The following MDM2 variants were observed in gnomAD, a reference collection of about 807,000 sequenced individuals.
MDM2 encodes the protein E3 ubiquitin-protein ligase Mdm2.
MDM2 carries 11 observed loss-of-function variants against 64.3 expected under a neutral mutation model. The ratio of observed to expected loss-of-function variants is 0.17; its 90% CI spans 0.11 to 0.28. The LOEUF (loss-of-function observed/expected upper bound fraction) is 0.28. Ranked by LOEUF, MDM2 falls within the 10% of genes least tolerant of loss-of-function variation. The pLI is 1.00. For missense variants in MDM2, 388 were observed against 577.1 expected (o/e 0.67, Z 3.36); for synonymous variants, 194 against 192.9 (o/e 1.01, Z -0.05).
rs890279594 is a variant in MDM2, at chr12:68,839,983, T to C, written c.*134T>C. 7 of 795,984 alleles carry C rather than the reference T, an allele frequency of 8.8e-6. No individual in the cohort carries two copies. The African/African-American group carries it at 1.2e-4, about 14-fold the overall frequency. The allele number at this position is 795,984 out of a possible 1,614,324, so 49.3% of individuals were successfully genotyped here. On this transcript the variant is annotated 3_prime_UTR_variant, in exon 11 of 11. Transcript: ENST00000258149. Reference sequence around the variant, plus strand: ...ATAGATTTCTTCTCTTTAGTATAATTGACCTACTTTGGTAGTGGAATAGTG... The same window carrying C: ...ATAGATTTCTTCTCTTTAGTATAATCGACCTACTTTGGTAGTGGAATAGTG...
chr12:68,847,573 C>T (rs1884417082), downstream of MDM2: 1 of 149,364 alleles, frequency 6.7e-6, no homozygotes, highest in Admixed American at 6.7e-5. Flanking sequence ...CCTGCCTCAG[C>T]CTCCCGAGTA....
intron 4 of MDM2, among the ~76,000 whole-genome samples, chr12:68,819,484 A>C (rs1021799118): frequency 2.0e-5 from 3 of 151,976 alleles, no homozygotes; most frequent in Non-Finnish European, 4.4e-5. Context: ...TTTATCTGTT[A>C]ATAAGTTTCT....
At chr12:68,810,293 A>C (rs1446393263) in intron 2 of MDM2, among the ~76,000 whole-genome samples, 1 of 150,448 alleles carries the variant, frequency 6.6e-6, no homozygotes, top group East Asian at 2.0e-4. Flanking sequence ...CTGGGCGATA[A>C]GAGCGAAACT....
chr12:68,838,116 A>G (rs1441585442), intron 10 of MDM2, among the ~76,000 whole-genome samples: 1 of 152,216 alleles, frequency 6.6e-6, no homozygotes, highest in South Asian at 2.1e-4. Flanking sequence ...CTTTGGTTTT[A>G]TGAGCTGTGA....
intron 8 of MDM2, among the ~76,000 whole-genome samples, chr12:68,833,334 A>AATATATTTATATAAATAT (rs1565744222): frequency 1.8e-5 from 1 of 54,644 alleles, no homozygotes; most frequent in African/African-American, 6.9e-5. Context: ...TAAATATAAA[A>AATATATTTATATAAATAT]ATATATATTT....
rs1592611751 is a variant in MDM2 at position 68,845,037 on chromosome 12, T to G, written c.*5188T>G. The G allele has an allele frequency of 4.9e-6, 1 of 203,706 alleles. No individual in the cohort carries two copies. 12.6% of individuals were successfully genotyped at this position (203,706 alleles called of 1,614,324 possible). On this transcript the variant is annotated 3_prime_UTR_variant, in exon 11 of 11. Coordinates refer to ENST00000258149, the MANE Select transcript of MDM2 (RefSeq NM_002392.6). ...CCCGCCTTGGCCCCCCAAAGTGCTG[T>G]GATTACAGGCGTGAGCCGCCACGCC...
chr12:68,816,362 C>CTTTTTTTTTTTTTTTTTTTT (rs62874563), intron 3 of MDM2, among the ~76,000 whole-genome samples: 1 of 61,084 alleles, frequency 1.6e-5, no homozygotes, highest in African/African-American at 6.7e-5. Context: ...TTAAAAGTAG[C>CTTTTTTTTTTTTTTTTTTTT]TTTTTTTTTT....
At position 68,808,349 on chromosome 12, in the gene MDM2, C is replaced by CG; in HGVS notation, c.-128dup. The CG allele has an allele frequency of 8.0e-7, 1 of 1,257,652 alleles. No homozygotes were observed. The highest frequency in any genetic ancestry group is 1.1e-6 in the Non-Finnish European group (1 of 872,124). The allele number at this position is 1,257,652 out of a possible 1,614,324, so 77.9% of individuals were successfully genotyped here. ...CCGTCCCTCCCCGGATTAGTGCGTA[C>CG]GAGCGCCCAGTGCCCTGGCCCGGAG... On this transcript the variant is annotated 5_prime_UTR_variant, in exon 1 of 11. Transcript: ENST00000258149.
At position 68,843,456 on chromosome 12, in the gene MDM2, TTTAACATTTAAAATTTCTA is replaced by T. The variant is rs1172288678; in HGVS notation, c.*3608_*3626del. On this transcript the variant is annotated 3_prime_UTR_variant, in exon 11 of 11. Coordinates refer to ENST00000258149, the MANE Select transcript of MDM2 (RefSeq NM_002392.6). ...CATACACCATATTTACAATTATGTA[TTTAACATTTAAAATTTCTA>T]ATATAAGTATCTCTCAAACTGTGGA... 1 of 228,278 alleles carries T rather than the reference TTTAACATTTAAAATTTCTA, an allele frequency of 4.4e-6. No individual in the cohort carries two copies. The highest frequency in any genetic ancestry group is 8.7e-6 in the Non-Finnish European group (1 of 115,132). 14.1% of individuals were successfully genotyped at this position (228,278 alleles called of 1,614,324 possible). A position where few individuals can be genotyped will look rare whatever the true frequency, so the allele number is the denominator to read the frequency against.
chr12:68,813,104 C>T (rs548467550), intron 2 of MDM2, among the ~76,000 whole-genome samples: 9 of 152,252 alleles, frequency 5.9e-5, no homozygotes, highest in Admixed American at 6.6e-5. Context: ...GTTGTTATCT[C>T]TGATCTGTTC....
At chr12:68,836,790 T>C (rs1326707892) in intron 10 of MDM2, 41 bp downstream of exon 10, 5 of 1,315,878 alleles carry the variant, frequency 3.8e-6, no homozygotes, top group Non-Finnish European at 5.5e-6. Flanking sequence ...AAAATTTCAT[T>C]AAGGTCAAGA....
At chr12:68,808,597 T>C in intron 1 of MDM2, 106 bp downstream of exon 1, 1 of 1,523,712 alleles carries the variant, frequency 6.6e-7, no homozygotes, top group Non-Finnish European at 8.9e-7. Flanking sequence ...GTGCGGTTCG[T>C]GGCTGGGGGC....
At position 68,844,628 on chromosome 12, in the gene MDM2, G is replaced by T. The variant is rs6581836; in HGVS notation, c.*4779G>T. ...CAAGCTGGGAACCTCTTGATTGTGA[G>T]GCACAAATGTAAGTACATCAGAAAA... On this transcript the variant is annotated 3_prime_UTR_variant, in exon 11 of 11. Transcript: ENST00000258149. 0.99 allele frequency: 225,448 copies of T among 227,284 alleles called. 111,815 individuals carry two copies. The highest frequency in any genetic ancestry group is 1 in the East Asian group (15,886 of 15,886). 14.1% of individuals were successfully genotyped at this position (227,284 alleles called of 1,614,324 possible).
intron 8 of MDM2, among the ~76,000 whole-genome samples, chr12:68,832,391 A>G (rs1455792674): frequency 1.3e-5 from 2 of 152,146 alleles, no homozygotes; most frequent in Non-Finnish European, 2.9e-5. Context: ...GGGGTTTTAA[A>G]TAACTTGTTT....
At position 68,842,020 on chromosome 12, in the gene MDM2, A is replaced by C; in HGVS notation, c.*2171A>C. ...AGGTGTTCAGATTGTATAAACATAA[A>C]TGTCACAAAAACTTTAAAAGAAGTG... On this transcript the variant is annotated 3_prime_UTR_variant, in exon 11 of 11. Coordinates refer to ENST00000258149, the MANE Select transcript of MDM2 (RefSeq NM_002392.6). The C allele has an allele frequency of 2.5e-6, 1 of 407,082 alleles. No individual in the cohort carries two copies. Among genetic ancestry groups the C allele is most frequent in the South Asian group, 2.3e-5 (1 of 44,094 alleles). 25.2% of individuals were successfully genotyped at this position (407,082 alleles called of 1,614,324 possible).
chr12:68,811,162 G>A (rs1374070231), intron 2 of MDM2, among the ~76,000 whole-genome samples: 1 of 152,162 alleles, frequency 6.6e-6, no homozygotes, highest in East Asian at 1.9e-4. Flanking sequence ...ACTGCACCAG[G>A]CCTCCATTTT....
At position 68,842,530 on chromosome 12, in the gene MDM2, C is replaced by T. The variant is rs1309548130; in HGVS notation, c.*2681C>T. On this transcript the variant is annotated 3_prime_UTR_variant, in exon 11 of 11. Coordinates refer to ENST00000258149, the MANE Select transcript of MDM2 (RefSeq NM_002392.6). ...ACAAAATCATCTACATTGCTGTCTA[C>T]AAAACAGATAATATGGATGTTTGAT... 3 of 358,214 alleles carry T rather than the reference C, an allele frequency of 8.4e-6. No individual in the cohort carries two copies. The highest frequency in any genetic ancestry group is 1.1e-5 in the Non-Finnish European group (2 of 185,090). The allele number at this position is 358,214 out of a possible 1,614,324, so 22.2% of individuals were successfully genotyped here.
At chr12:68,829,738 C>A (rs1439400048) in intron 8 of MDM2, among the ~76,000 whole-genome samples, 2 of 149,102 alleles carry the variant, frequency 1.3e-5, no homozygotes, top group Non-Finnish European at 3.0e-5. Flanking sequence ...TGCACTCTAG[C>A]CTGGGTGACA....
intron 8 of MDM2, among the ~76,000 whole-genome samples, chr12:68,834,674 T>C (rs971506940): frequency 6.6e-6 from 1 of 152,190 alleles, no homozygotes; most frequent in African/African-American, 2.4e-5. Context: ...GAGGTGTAGG[T>C]TGCAGTGAGC....
Sources: gnomAD v4.1 joint callset for allele counts (sites outside exome capture counted in the v4.1 genomes callset) on GRCh38, gnomAD v4.1.1 for gene constraint, MANE v1.5 for transcripts, NCBI Gene and HGNC (gene_info 2026-07-23, HGNC 2026-07-21) for gene names.